PIGU: variants seen among roughly 807,000 people sequenced by gnomAD.
PIGU encodes the protein phosphatidylinositol glycan anchor biosynthesis class U.
PIGU carries 24 observed loss-of-function variants against 49.9 expected under a neutral mutation model. That is an observed-to-expected ratio of 0.48 (90% CI 0.35 to 0.68). The LOEUF is 0.68. Ranked by LOEUF, PIGU falls within the 30% of genes least tolerant of loss-of-function variation. PIGU has a pLI of 0.01. For missense variants in PIGU, 490 were observed against 532.6 expected, an observed-to-expected ratio of 0.92 and a Z score of 0.79; for synonymous variants, 220 against 205.7, an observed-to-expected ratio of 1.07 and a Z score of -0.59.
intron 6 of PIGU, 87 bp downstream of exon 6, chr20:34,634,528 A>C (rs1244379994): frequency 1.7e-5 from 25 of 1,438,424 alleles, no homozygotes; most frequent in South Asian, 3.2e-5. Flanking sequence ...GCATTAAAAA[A>C]AAAACAAAAC....
rs1982457315 is a variant in PIGU, at chr20:34,560,784, C to A, written c.*82G>T. On this transcript the variant is annotated 3_prime_UTR_variant, in exon 12 of 12. Transcript: ENST00000217446. ...CCTCTTCTGCCCAAGCACTCGCCTG[C>A]TGGCAACTCTGGCTGGAGGGCTTGG... 2 of 1,073,010 alleles carry A rather than the reference C, an allele frequency of 1.9e-6. No individual in the cohort carries two copies. The highest frequency in any genetic ancestry group is 3.4e-5 in the South Asian group (2 of 58,760). The allele number at this position is 1,073,010 out of a possible 1,614,324, so 66.5% of individuals were successfully genotyped here.
At chr20:34,591,130 G>T (rs983971162) in intron 7 of PIGU, among the ~76,000 whole-genome samples, 1 of 151,924 alleles carries the variant, frequency 6.6e-6, no homozygotes, top group Non-Finnish European at 1.5e-5. Context: ...AGCTAGTGTG[G>T]TTATACTATT....
intron 1 of PIGU, among the ~76,000 whole-genome samples, chr20:34,668,867 C>CTTTT (rs374136983): frequency 1.3e-4 from 6 of 44,714 alleles, no homozygotes; most frequent in African/African-American, 3.4e-4. Context: ...AATGGTAAAA[C>CTTTT]TTTTTTTTTT....
rs377583387 is a variant in PIGU at position 34,581,618 on chromosome 20, C to G, written c.981G>C (p.Lys327Asn). ...CCACGTCCCCCACTGTCGGGTAGGA[C>G]TTAAAGATGGCGATGACAGCGATCT... is the stretch of plus-strand genomic sequence containing the variant. ...FIQIAVIAIFKSYPTVGDVAL... is the reference protein window; with the variant it reads ...FIQIAVIAIFNSYPTVGDVAL... Residue 327 changes from lysine to asparagine, a missense_variant, in exon 10 of 12, where the codon AAG (lysine) becomes AAC (asparagine). Physicochemically the swap from Lys to Asn is moderately conservative, Grantham distance 94 (BLOSUM62 0). Coordinates refer to ENST00000217446, the MANE Select transcript of PIGU (RefSeq NM_080476.5). The G allele has an allele frequency of 6.2e-7, 1 of 1,613,868 alleles. No individual in the cohort carries two copies. Among genetic ancestry groups the G allele is most frequent in the Non-Finnish European group, 8.5e-7 (1 of 1,179,970 alleles).
chr20:34,657,502 ACT>A (rs1649928698), intron 1 of PIGU, among the ~76,000 whole-genome samples: 2 of 152,030 alleles, frequency 1.3e-5, no homozygotes, highest in Admixed American at 1.3e-4. Flanking sequence ...GTTCCTTGTA[ACT>A]CTTACCAACT....
At chr20:34,646,875 T>A (rs1431633237) in intron 2 of PIGU, among the ~76,000 whole-genome samples, 1 of 151,944 alleles carries the variant, frequency 6.6e-6, no homozygotes, top group Non-Finnish European at 1.5e-5. Context: ...AGGGCTGGTG[T>A]GCAGTGGCTG....
chr20:34,606,573 A>G (rs1310144659), intron 7 of PIGU, among the ~76,000 whole-genome samples: 1 of 152,146 alleles, frequency 6.6e-6, no homozygotes, highest in Non-Finnish European at 1.5e-5. Context: ...CCTAAAACCA[A>G]AACTCAGATC....
At chr20:34,674,268 C>G (rs558516526) in intron 1 of PIGU, among the ~76,000 whole-genome samples, 1 of 150,688 alleles carries the variant, frequency 6.6e-6, no homozygotes, top group African/African-American at 2.4e-5. Flanking sequence ...GACGAGATAA[C>G]AGCCTGAACC....
chr20:34,666,268 A>G (rs1987089055), intron 1 of PIGU, among the ~76,000 whole-genome samples: 1 of 152,156 alleles, frequency 6.6e-6, no homozygotes, highest in African/African-American at 2.4e-5. Context: ...AAAAAACAAA[A>G]AGACAATAAA....
At chr20:34,585,301 A>G in intron 9 of PIGU, 136 bp downstream of exon 9, 1 of 1,068,876 alleles carries the variant, frequency 9.4e-7, no homozygotes, top group Non-Finnish European at 1.4e-6. Context: ...CGGCAACTGA[A>G]GGCAGGTTCC....
intron 11 of PIGU, among the ~76,000 whole-genome samples, chr20:34,572,772 A>G (rs1983067702): frequency 6.6e-6 from 1 of 152,356 alleles, no homozygotes; most frequent in Non-Finnish European, 1.5e-5. Context: ...AATTATCTCA[A>G]GACAAAATCA....
chr20:34,576,653 A>G (rs1301573069), intron 10 of PIGU, among the ~76,000 whole-genome samples: 2 of 151,990 alleles, frequency 1.3e-5, no homozygotes, highest in Non-Finnish European at 2.9e-5. Context: ...ATGGAATCTC[A>G]CTACATTGCC....
intron 1 of PIGU, among the ~76,000 whole-genome samples, chr20:34,668,443 CAGAGCGAGACTCCG>C (rs1231681302): frequency 1.4e-4 from 16 of 113,244 alleles, no homozygotes; most frequent in Non-Finnish European, 2.6e-4. Flanking sequence ...GCCTGGGTGA[CAGAGCGAGACTCCG>C]TCTCAAAAAA....
chr20:34,571,452 G>C (rs1370955013), intron 11 of PIGU, among the ~76,000 whole-genome samples: 1 of 152,144 alleles, frequency 6.6e-6, no homozygotes, highest in East Asian at 1.9e-4. Context: ...TTCAGCTCTT[G>C]ATTTCAGCAA....
At chr20:34,615,162 G>A (rs1413481177) in intron 7 of PIGU, among the ~76,000 whole-genome samples, 2 of 152,120 alleles carry the variant, frequency 1.3e-5, no homozygotes, top group Non-Finnish European at 1.5e-5. Flanking sequence ...ACTAATATTT[G>A]GCTAATAATA....
chr20:34,609,709 T>C lies in PIGU; in HGVS notation c.627+6333A>G, dbSNP rs147761636. On this transcript the variant is annotated intron_variant, in intron 7 of 11. Coordinates refer to ENST00000217446, the MANE Select transcript of PIGU (RefSeq NM_080476.5). Reference sequence around the variant, plus strand: ...GATGGTTTTGTTTCCTGGATGTGACTACACTGATCTTCAAATACCCTACCA... The same window carrying C: ...GATGGTTTTGTTTCCTGGATGTGACCACACTGATCTTCAAATACCCTACCA... Among the ~76,000 whole-genome samples the C allele has an allele frequency of 3.0e-3, 453 of 152,292 alleles. 2 individuals carry two copies. Among genetic ancestry groups the C allele is most frequent in the African/African-American group, 0.01 (431 of 41,580 alleles).
intron 7 of PIGU, among the ~76,000 whole-genome samples, chr20:34,594,710 G>C (rs1984123157): frequency 6.6e-6 from 1 of 152,064 alleles, no homozygotes; most frequent in Non-Finnish European, 1.5e-5. Context: ...AGAGGTGGAG[G>C]TTGCAGTGAG....
At chr20:34,601,831 T>C (rs765755610) in intron 7 of PIGU, among the ~76,000 whole-genome samples, 2 of 152,256 alleles carry the variant, frequency 1.3e-5, no homozygotes, top group Admixed American at 6.5e-5. Flanking sequence ...ATAACTCAAA[T>C]TGCAATTCTT....
chr20:34,569,203 CA>C (rs1220331909), intron 11 of PIGU, among the ~76,000 whole-genome samples: 1 of 150,510 alleles, frequency 6.6e-6, no homozygotes, highest in Non-Finnish European at 1.5e-5. Flanking sequence ...GACCCTGTCT[CA>C]AAAAGAAAAA....
Sources: gnomAD v4.1 joint callset for allele counts (sites outside exome capture counted in the v4.1 genomes callset) on GRCh38, gnomAD v4.1.1 for gene constraint, MANE v1.5 for transcripts, NCBI Gene and HGNC (gene_info 2026-07-23, HGNC 2026-07-21) for gene names.